The following VPS54 variants were observed in gnomAD, a reference collection of about 807,000 sequenced individuals.
VPS54 encodes vacuolar protein sorting-associated protein 54.
A neutral mutation model predicts 121.5 loss-of-function variants in VPS54; 45 were observed. The observed-to-expected ratio is 0.37, with a 90% CI of 0.29 to 0.47. The LOEUF is 0.47. Ranked by LOEUF, VPS54 falls within the 20% of genes least tolerant of loss-of-function variation. The probability of loss-of-function intolerance (pLI) is 0.99; values close to 1 mark genes in which losing one functional copy is unlikely to be tolerated. For missense variants in VPS54, 1,090 were observed against 1,131.4 expected, an observed-to-expected ratio of 0.96 and a Z score of 0.52; for synonymous variants, 371 against 385.8, an observed-to-expected ratio of 0.96 and a Z score of 0.45.
chr2:63,915,378 A>G (rs1673333791), intron 16 of VPS54, among the ~76,000 whole-genome samples: 1 of 152,198 alleles, frequency 6.6e-6, no homozygotes, highest in African/African-American at 2.4e-5. Context: ...TCAGGAACTA[A>G]TGATTCAAGA....
intron 7 of VPS54, among the ~76,000 whole-genome samples, chr2:63,961,181 G>T (rs966090175): frequency 1.3e-5 from 2 of 152,030 alleles, no homozygotes; most frequent in African/African-American, 4.8e-5. Flanking sequence ...ATTCTGTCTG[G>T]TACTTGACAT....
intron 22 of VPS54, among the ~76,000 whole-genome samples, chr2:63,896,102 A>T (rs1250696205): frequency 3.3e-5 from 5 of 152,194 alleles, no homozygotes; most frequent in Non-Finnish European, 7.3e-5. Context: ...TCTCTTATGT[A>T]TGTACCATTT....
chr2:63,916,865 T>C (rs759215073), intron 16 of VPS54, 35 bp downstream of exon 16: 7 of 1,603,056 alleles, frequency 4.4e-6, no homozygotes, highest in South Asian at 3.3e-5. Flanking sequence ...TTTTAAATAG[T>C]TGACTCAACT....
chr2:63,949,486 A>AT (rs1339865133), intron 7 of VPS54, among the ~76,000 whole-genome samples: 3 of 152,322 alleles, frequency 2.0e-5, no homozygotes, highest in African/African-American at 7.2e-5. Flanking sequence ...AGCCTTACCA[A>AT]TAACATAAAG....
intron 20 of VPS54, among the ~76,000 whole-genome samples, chr2:63,909,413 CTTTTTTT>C (rs5831673): frequency 1.0e-4 from 7 of 69,922 alleles, no homozygotes; most frequent in Admixed American, 3.8e-4. Flanking sequence ...TATTAGCTGC[CTTTTTTT>C]TTTTTTTTTT....
intron 10 of VPS54, among the ~76,000 whole-genome samples, chr2:63,943,727 CT>C (rs1553476083): frequency 1.5e-4 from 19 of 129,600 alleles, no homozygotes; most frequent in East Asian, 6.3e-4. Flanking sequence ...TTCTTTCTTT[CT>C]TTTTTTTTTT....
At chr2:63,960,006 C>A (rs1352968425) in intron 7 of VPS54, among the ~76,000 whole-genome samples, 1 of 151,600 alleles carries the variant, frequency 6.6e-6, no homozygotes, top group Admixed American at 6.6e-5. Context: ...GGCAACAGAG[C>A]TAGACTCCAT....
intron 1 of VPS54, among the ~76,000 whole-genome samples, chr2:64,017,077 C>G (rs1678736564): frequency 6.8e-6 from 1 of 146,180 alleles, no homozygotes; most frequent in South Asian, 2.2e-4. Context: ...GGCGGTGGCT[C>G]ACACCTCTAA....
At chr2:63,910,640 T>C (rs1436293108) in intron 20 of VPS54, among the ~76,000 whole-genome samples, 1 of 152,202 alleles carries the variant, frequency 6.6e-6, no homozygotes, top group Non-Finnish European at 1.5e-5. Context: ...ATGCCTCAAA[T>C]TTATTATAAA....
At chr2:63,982,520 C>T (rs1410433433) in intron 2 of VPS54, among the ~76,000 whole-genome samples, 1 of 152,166 alleles carries the variant, frequency 6.6e-6, no homozygotes, top group African/African-American at 2.4e-5. Context: ...ACAATAGTTT[C>T]ATCAACTGAT....
At chr2:63,970,360 C>G (rs1444127081) in intron 4 of VPS54, among the ~76,000 whole-genome samples, 1 of 140,392 alleles carries the variant, frequency 7.1e-6, no homozygotes, top group Non-Finnish European at 1.5e-5. Flanking sequence ...ACCTCAGATG[C>G]AAAAGCACTC....
intron 1 of VPS54, among the ~76,000 whole-genome samples, chr2:64,007,298 C>G (rs551074765): frequency 2.0e-5 from 3 of 152,012 alleles, no homozygotes; most frequent in Admixed American, 1.3e-4. Context: ...AGAAGACAGA[C>G]GAGGAGGTGG....
chr2:63,919,906 G>C lies in VPS54; in HGVS notation c.2141C>G (p.Ala714Gly). ...ACCTCCTGATTTTTTTTCAGGTAAA[G>C]CAATCTTCCCATCTGACAGAGAATC... is the stretch of plus-strand genomic sequence containing the variant. ...LVDSLSDGKI[A>G]LPEKKSGATE... The change falls in exon 15 of 23, where the codon GCT becomes GGT. Residue 714 changes from alanine (A) to glycine (G), a missense_variant. By Grantham distance (60) the Ala-to-Gly change is moderately conservative. Transcript: ENST00000272322. The C allele has an allele frequency of 6.2e-7, 1 of 1,610,270 alleles. No homozygotes were observed. The highest frequency in any genetic ancestry group is 8.5e-7 in the Non-Finnish European group (1 of 1,177,836).
chr2:63,995,470 C>G (rs1677537303), intron 1 of VPS54, among the ~76,000 whole-genome samples: 1 of 152,206 alleles, frequency 6.6e-6, no homozygotes, highest in Non-Finnish European at 1.5e-5. Flanking sequence ...CTTTAAAGAT[C>G]TAAGAGATTT....
At chr2:63,950,813 G>C (rs1022143293) in intron 7 of VPS54, among the ~76,000 whole-genome samples, 1 of 151,722 alleles carries the variant, frequency 6.6e-6, no homozygotes, top group Non-Finnish European at 1.5e-5. Flanking sequence ...GGGCACTTTT[G>C]TCTGCATTAA....
chr2:63,895,418 C>T lies in VPS54; in HGVS notation c.2829-1883G>A, dbSNP rs1449357614. ...GCAGTGAGCTGAGATCACGCCACTG[C>T]GCTCCAGCCTGTGTGACAGAGTGAT... On this transcript the variant is annotated intron_variant, in intron 22 of 22. Transcript: ENST00000272322. Among the ~76,000 whole-genome samples the T allele has an allele frequency of 5.3e-5, 8 of 152,136 alleles. No individual in the cohort carries two copies. In the East Asian group the frequency reaches 9.6e-4, roughly 18 times the overall value.
intron 1 of VPS54, among the ~76,000 whole-genome samples, chr2:64,013,141 C>CT (rs1337231780): frequency 1.3e-5 from 2 of 152,144 alleles, no homozygotes. Context: ...AGAGATCTGT[C>CT]AGTTCACCTT....
chr2:63,915,539 G>T (rs1351718078), intron 16 of VPS54, among the ~76,000 whole-genome samples: 1 of 152,122 alleles, frequency 6.6e-6, no homozygotes, highest in Middle Eastern at 3.2e-3. Flanking sequence ...TTCCCCTTTA[G>T]CCAGGGAATT....
intron 4 of VPS54, among the ~76,000 whole-genome samples, chr2:63,969,255 A>G (rs960957613): frequency 5.9e-5 from 9 of 152,230 alleles, no homozygotes; most frequent in Non-Finnish European, 1.2e-4. Flanking sequence ...AATCAGACAT[A>G]AAAGGCTTTA....
Sources: gnomAD v4.1 joint callset for allele counts (sites outside exome capture counted in the v4.1 genomes callset) on GRCh38, gnomAD v4.1.1 for gene constraint, MANE v1.5 for transcripts, NCBI Gene and HGNC (gene_info 2026-07-23, HGNC 2026-07-21) for gene names.